C17orf113: variants seen among roughly 807,000 people sequenced by gnomAD.
C17orf113 encodes the protein uncharacterized protein C17orf113.
Under a neutral mutation model 11.6 loss-of-function variants are expected in C17orf113, and 5 were observed. The ratio of observed to expected loss-of-function variants is 0.43; its 90% CI spans 0.23 to 0.91. The LOEUF (loss-of-function observed/expected upper bound fraction) is 0.91. C17orf113 is among the 40% of genes least tolerant of loss of function. C17orf113 has a pLI of 0.26. For missense variants in C17orf113, 714 were observed against 841.3 expected, an observed-to-expected ratio of 0.85 and a Z score of 1.87; for synonymous variants, 327 against 390.6, an observed-to-expected ratio of 0.84 and a Z score of 1.92.
chr17:42,039,110 GC>G lies in C17orf113; in HGVS notation c.*594del, dbSNP rs576141198. On this transcript the variant is annotated 3_prime_UTR_variant, in exon 3 of 3. Coordinates refer to ENST00000587304, the MANE Select transcript of C17orf113 (RefSeq NM_001358661.2). The stretch of plus-strand genomic sequence containing the variant: ...TACTAAAAATACATAAGTTAGCCAG[GC>G]ATGGTGGCAGGCGCCTGTAATCCCA... The G allele has an allele frequency of 1.1e-4, 16 of 152,328 alleles. No individual in the cohort carries two copies. Among genetic ancestry groups the G allele is most frequent in the African/African-American group, 3.6e-4 (15 of 41,546 alleles). The allele number at this position is 152,328 out of a possible 1,614,324, so 9.4% of individuals were successfully genotyped here. A position where few individuals can be genotyped will look rare whatever the true frequency, so the allele number is the denominator to read the frequency against.
At chr17:42,044,329 A>G (rs1214209619) in intron 1 of C17orf113, among the ~76,000 whole-genome samples, 1 of 139,978 alleles carries the variant, frequency 7.1e-6, no homozygotes, top group Non-Finnish European at 1.6e-5. Flanking sequence ...AAAAAAAAAA[A>G]AAGACGGCCG....
Position 42,040,035 on chromosome 17 carries a change from G to C in C17orf113, c.1698C>G (p.Arg566=), listed in dbSNP as rs1025596881. The C allele has an allele frequency of 8.1e-7, 1 of 1,230,928 alleles. No individual in the cohort carries two copies. The highest frequency in any genetic ancestry group is 1.0e-6 in the Non-Finnish European group (1 of 987,482). 76.3% of individuals were successfully genotyped at this position (1,230,928 alleles called of 1,614,324 possible). A position where few individuals can be genotyped will look rare whatever the true frequency, so the allele number is the denominator to read the frequency against. The change falls in exon 3 of 3, where the codon CGC becomes CGG. Residue 566 remains arginine (R), a synonymous_variant. Coordinates refer to ENST00000587304, the MANE Select transcript of C17orf113 (RefSeq NM_001358661.2). ...RALGDFALFK[R]VVFGLGRLGP... ...CGAGCCGCCCAAGGCCGAATACTACGCGCTTAAACAGCGCGAAGTCGCCCA... is the reference window on the plus strand; with the variant it reads ...CGAGCCGCCCAAGGCCGAATACTACCCGCTTAAACAGCGCGAAGTCGCCCA...
In C17orf113 at chr17:42,040,146, C is replaced by A; in HGVS notation, c.1587G>T (p.Ala529=). 4 of 1,231,482 alleles carry A rather than the reference C, an allele frequency of 3.2e-6. No individual in the cohort carries two copies. The highest frequency in any genetic ancestry group is 4.0e-6 in the Non-Finnish European group (4 of 987,772). 76.3% of individuals were successfully genotyped at this position (1,231,482 alleles called of 1,614,324 possible). A position where few individuals can be genotyped will look rare whatever the true frequency, so the allele number is the denominator to read the frequency against. The change falls in exon 3 of 3, where the codon GCG becomes GCT. Residue 529 remains alanine, a synonymous_variant. Coordinates refer to ENST00000587304, the MANE Select transcript of C17orf113 (RefSeq NM_001358661.2). ...AIFDPRRYPQ[A]PEELGTHGEG... is the part of the protein sequence containing the mutation. ...CGCCATGCGTGCCCAGCTCCTCCGG[C>A]GCCTGCGGGTAGCGTCGGGGGTCGA...
Position 42,039,898 on chromosome 17 carries a change from CCAGCGCCCGCGGG to C in C17orf113, c.1822_1834del (p.Pro608AlafsTer29). The C allele has an allele frequency of 3.2e-6, 4 of 1,231,416 alleles. No homozygotes were observed. The highest frequency in any genetic ancestry group is 4.0e-6 in the Non-Finnish European group (4 of 987,678). 76.3% of individuals were successfully genotyped at this position (1,231,416 alleles called of 1,614,324 possible). A position where few individuals can be genotyped will look rare whatever the true frequency, so the allele number is the denominator to read the frequency against. On this transcript the variant is annotated frameshift_variant, in exon 3 of 3. Transcript: ENST00000587304. LOFTEE classifies it high-confidence loss of function. ...GCTGCGGCCGACCTTGTCCAGCAGG[CCAGCGCCCGCGGG>C]CAGCGCCAAAGCCAAGGCGGCTAGG...
Position 42,039,890 on chromosome 17 carries a change from C to T in C17orf113, c.1843G>A (p.Asp615Asn). The T allele has an allele frequency of 8.1e-7, 1 of 1,231,494 alleles. No homozygotes were observed. The highest frequency in any genetic ancestry group is 1.0e-6 in the Non-Finnish European group (1 of 987,738). The allele number at this position is 1,231,494 out of a possible 1,614,324, so 76.3% of individuals were successfully genotyped here. Residue 615 changes from aspartate to asparagine, a missense_variant, in exon 3 of 3, where the codon GAC becomes AAC. Physicochemically the swap from Asp to Asn is conservative, Grantham distance 23. This residue lies in a region of C17orf113 where 194 missense variants were observed against 197.2 expected (regional missense o/e 0.98). Transcript: ENST00000587304. Reference protein sequence around the residue: ...LALPAGAGLLDKVGRSRELRW... With the variant: ...LALPAGAGLLNKVGRSRELRW... Reference sequence around the variant, plus strand: ...AGCTCCCGGCTGCGGCCGACCTTGTCCAGCAGGCCAGCGCCCGCGGGCAGC... The same window carrying T: ...AGCTCCCGGCTGCGGCCGACCTTGTTCAGCAGGCCAGCGCCCGCGGGCAGC...
In C17orf113 at chr17:42,039,439, T is replaced by C. The variant is rs941614934; in HGVS notation, c.*266A>G. 3 of 354,718 alleles carry C rather than the reference T, an allele frequency of 8.5e-6. No individual in the cohort carries two copies. The highest frequency in any genetic ancestry group is 6.3e-5 in the African/African-American group (3 of 47,710). 22.0% of individuals were successfully genotyped at this position (354,718 alleles called of 1,614,324 possible). A position where few individuals can be genotyped will look rare whatever the true frequency, so the allele number is the denominator to read the frequency against. On this transcript the variant is annotated 3_prime_UTR_variant, in exon 3 of 3. Coordinates refer to ENST00000587304, the MANE Select transcript of C17orf113 (RefSeq NM_001358661.2). The stretch of plus-strand genomic sequence containing the variant: ...AAGGGTGAGCTACTCCTCATCTAAC[T>C]GTGTAAAGGCCAGGAATGATTTAGG...
chr17:42,050,548 C>G lies in C17orf113; in HGVS notation c.-188+9G>C, dbSNP rs2053260390. On this transcript the variant is annotated intron_variant, in intron 1 of 2. Transcript: ENST00000587304. This position sits in a 1 kb window ranked among gnomAD's most constrained non-coding sequence, Gnocchi z 5.6. ...GCCTGGCGCCCCCGCCCCGTCCGCT[C>G]GCACTCACGGAGACACAGGAGCCAC... is the stretch of plus-strand genomic sequence containing the variant. The G allele has an allele frequency of 6.6e-6, 1 of 152,196 alleles. No homozygotes were observed. The highest frequency in any genetic ancestry group is 1.5e-5 in the Non-Finnish European group (1 of 68,062). 9.4% of individuals were successfully genotyped at this position (152,196 alleles called of 1,614,324 possible). A position where few individuals can be genotyped will look rare whatever the true frequency, so the allele number is the denominator to read the frequency against.
intron 1 of C17orf113, among the ~76,000 whole-genome samples, chr17:42,049,009 C>T (rs2053230064): frequency 6.6e-6 from 1 of 152,094 alleles, no homozygotes. Context: ...AAGGCCAGTG[C>T]CAGAATTCCT....
Position 42,038,294 on chromosome 17 carries a change from C to A in C17orf113, c.*1411G>T, listed in dbSNP as rs941708402. On this transcript the variant is annotated 3_prime_UTR_variant, in exon 3 of 3. Coordinates refer to ENST00000587304, the MANE Select transcript of C17orf113 (RefSeq NM_001358661.2). Reference sequence around the variant, plus strand: ...CAAACCCAGGGGTATTAGGAAAAGGCTAGCCCTCGCCCCTCTCACTCTCTA... The same window carrying A: ...CAAACCCAGGGGTATTAGGAAAAGGATAGCCCTCGCCCCTCTCACTCTCTA... 9.5e-6 allele frequency: 5 copies of A among 525,276 alleles called. No homozygotes were observed. The highest frequency in any genetic ancestry group is 7.8e-5 in the African/African-American group (4 of 51,268). The allele number at this position is 525,276 out of a possible 1,614,324, so 32.5% of individuals were successfully genotyped here.
intron 2 of C17orf113, among the ~76,000 whole-genome samples, chr17:42,042,336 A>G (rs1257737070): frequency 2.6e-5 from 4 of 152,220 alleles, no homozygotes; most frequent in Non-Finnish European, 4.4e-5. Context: ...GGCCTGGCCA[A>G]CATGGTGATA....
Position 42,039,825 on chromosome 17 carries a change from C to A in C17orf113, c.1908G>T (p.Gly636=). 2.4e-6 allele frequency: 3 copies of A among 1,232,222 alleles called. No individual in the cohort carries two copies. Among genetic ancestry groups the A allele is most frequent in the Non-Finnish European group, 3.0e-6 (3 of 988,074 alleles). The allele number at this position is 1,232,222 out of a possible 1,614,324, so 76.3% of individuals were successfully genotyped here. A position where few individuals can be genotyped will look rare whatever the true frequency, so the allele number is the denominator to read the frequency against. ...CCACTGCGATCTTCACCATGTGGCCCCCCCGGCCTTCCCCGGCCCCACTCT... is the reference window on the plus strand; with the variant it reads ...CCACTGCGATCTTCACCATGTGGCCACCCCGGCCTTCCCCGGCCCCACTCT... The part of the protein sequence containing the change: ...WGQSGAGEGR[G]GHMVKIAVDG... The change falls in exon 3 of 3, where the codon GGG becomes GGT. Residue 636 remains glycine (G), a synonymous_variant. Transcript: ENST00000587304.
intron 1 of C17orf113, among the ~76,000 whole-genome samples, chr17:42,043,925 T>TGAG (rs1267896562): frequency 6.6e-6 from 1 of 152,020 alleles, no homozygotes; most frequent in African/African-American, 2.4e-5. Flanking sequence ...TCAGGGCCCA[T>TGAG]GAGGAGTTCA....
At chr17:42,045,588 A>G (rs1376176908) in intron 1 of C17orf113, among the ~76,000 whole-genome samples, 2 of 152,178 alleles carry the variant, frequency 1.3e-5, no homozygotes, top group Admixed American at 6.5e-5. Flanking sequence ...CTGAGGCTCA[A>G]TCAGAGTGAC....
chr17:42,048,376 CAAAA>C (rs34771406), intron 1 of C17orf113, among the ~76,000 whole-genome samples: 3 of 124,806 alleles, frequency 2.4e-5, no homozygotes, highest in Admixed American at 8.1e-5. Context: ...CTGTCTTTAC[CAAAA>C]AAAAAAAAAA....
chr17:42,042,766 G>C, intron 2 of C17orf113, 68 bp downstream of exon 2: 11 of 1,160,984 alleles, frequency 9.5e-6, no homozygotes, highest in Non-Finnish European at 1.2e-5. Context: ...GCATGCTGGG[G>C]CTGTTCCCAG....
rs1413518804 is a variant in C17orf113 at position 42,039,908 on chromosome 17, C to G, written c.1825G>C (p.Ala609Pro). 1 of 1,231,242 alleles carries G rather than the reference C, an allele frequency of 8.1e-7. No individual in the cohort carries two copies. Among genetic ancestry groups the G allele is most frequent in the Non-Finnish European group, 1.0e-6 (1 of 987,648 alleles). 76.3% of individuals were successfully genotyped at this position (1,231,242 alleles called of 1,614,324 possible). Residue 609 changes from alanine (A) to proline (P), a missense_variant, in exon 3 of 3, where the codon GCG becomes CCG. Transcript: ENST00000587304. ...ALAALALALP[A>P]GAGLLDKVGR... ...ACCTTGTCCAGCAGGCCAGCGCCCGCGGGCAGCGCCAAAGCCAAGGCGGCT... is the reference window on the plus strand; with the variant it reads ...ACCTTGTCCAGCAGGCCAGCGCCCGGGGGCAGCGCCAAAGCCAAGGCGGCT...
At chr17:42,049,264 C>A in intron 1 of C17orf113, among the ~76,000 whole-genome samples, 1 of 152,188 alleles carries the variant, frequency 6.6e-6, no homozygotes, top group East Asian at 1.9e-4. Flanking sequence ...GAAGTCCCTT[C>A]TTTTCTGTCA....
In C17orf113 at chr17:42,040,294, G is replaced by A; in HGVS notation, c.1439C>T (p.Ser480Phe). The change falls in exon 3 of 3, where the codon TCC (serine) becomes TTC (phenylalanine). Residue 480 changes from serine (S) to phenylalanine (F), a missense_variant. Coordinates refer to ENST00000587304, the MANE Select transcript of C17orf113 (RefSeq NM_001358661.2). ...TYRGVELLGY[S>F]EAAVRGLEWL... ...CTCCAAGCCCCGGACCGCAGCCTCGGAGTAACCGAGCAGCTCCACGCCGCG... is the reference window on the plus strand; with the variant it reads ...CTCCAAGCCCCGGACCGCAGCCTCGAAGTAACCGAGCAGCTCCACGCCGCG... 8.1e-7 allele frequency: 1 copy of A among 1,231,688 alleles called. No individual in the cohort carries two copies. The highest frequency in any genetic ancestry group is 1.0e-6 in the Non-Finnish European group (1 of 987,896). 76.3% of individuals were successfully genotyped at this position (1,231,688 alleles called of 1,614,324 possible). A position where few individuals can be genotyped will look rare whatever the true frequency, so the allele number is the denominator to read the frequency against.
intron 1 of C17orf113, among the ~76,000 whole-genome samples, chr17:42,047,800 C>T (rs920010033): frequency 4.6e-5 from 7 of 151,790 alleles, no homozygotes; most frequent in South Asian, 2.1e-4. Flanking sequence ...ATTACAGGCG[C>T]GCACCACCAT....
Sources: gnomAD v4.1 joint callset for allele counts (sites outside exome capture counted in the v4.1 genomes callset) on GRCh38, gnomAD v4.1.1 for gene constraint, gnomAD v4.1.1 regional missense constraint, Gnocchi (gnomAD v3.1) non-coding constraint, MANE v1.5 for transcripts, NCBI Gene and HGNC (gene_info 2026-07-23, HGNC 2026-07-21) for gene names.